Variants in ZNF804A observed in about 807,000 individuals in gnomAD.
The protein encoded by ZNF804A is zinc finger protein 804A.
Under a neutral mutation model 16.5 loss-of-function variants are expected in ZNF804A, and 2 were observed. That is an observed-to-expected ratio of 0.12 (90% confidence interval 0.05 to 0.38). The LOEUF (loss-of-function observed/expected upper bound fraction) is 0.38. Among genes scored for constraint, ZNF804A ranks in the 10% least tolerant of loss-of-function variants. The pLI is 0.99. For synonymous variants in ZNF804A, 534 were observed against 489.6 expected (o/e 1.09, Z -1.20); for missense variants, 1,473 against 1,390.7 (o/e 1.06, Z -0.94).
intron 1 of ZNF804A, among the ~76,000 whole-genome samples, chr2:184,698,254 C>G (rs1559129192): frequency 6.6e-6 from 1 of 151,982 alleles, no homozygotes; most frequent in Non-Finnish European, 1.5e-5. Context: ...AAGGGTTCAA[C>G]CATTATAAAA....
chr2:184,756,601 G>T (rs572055088), intron 1 of ZNF804A, among the ~76,000 whole-genome samples: 1 of 152,034 alleles, frequency 6.6e-6, no homozygotes, highest in Non-Finnish European at 1.5e-5. Context: ...TCATAAAGGA[G>T]TGCCTAATGT....
chr2:184,835,687 A>G (rs770642767), intron 1 of ZNF804A, among the ~76,000 whole-genome samples: 2 of 151,568 alleles, frequency 1.3e-5, no homozygotes, highest in African/African-American at 2.4e-5. Context: ...CAGAAAAAAG[A>G]TGAAAAAGAG....
chr2:184,598,973 A>G lies in ZNF804A; in HGVS notation c.14A>G (p.Tyr5Cys), dbSNP rs149912547. ...GGCGGCTGCCCCATGGAGTGTTACT[A>G]CATTGTCATCAGCTCCACGCATCTC... MECY[Y>C]IVISSTHLSN... The change falls in exon 1 of 4, where the codon TAC (tyrosine) becomes TGC (cysteine). Residue 5 changes from tyrosine to cysteine, a missense_variant. Coordinates refer to ENST00000302277, the MANE Select transcript of ZNF804A (RefSeq NM_194250.2). The G allele has an allele frequency of 2.3e-4, 369 of 1,611,608 alleles. 1 individual carries two copies. Among genetic ancestry groups the G allele is most frequent in the Non-Finnish European group, 4.2e-5 (49 of 1,177,976 alleles).
At chr2:184,761,150 A>G (rs1386789224) in intron 1 of ZNF804A, among the ~76,000 whole-genome samples, 1 of 152,182 alleles carries the variant, frequency 6.6e-6, no homozygotes, top group African/African-American at 2.4e-5. Flanking sequence ...TACTTGAGGT[A>G]TGTTTGAAAG....
intron 1 of ZNF804A, among the ~76,000 whole-genome samples, chr2:184,746,569 G>T (rs1693793290): frequency 6.6e-6 from 1 of 150,958 alleles, no homozygotes; most frequent in Non-Finnish European, 1.5e-5. Flanking sequence ...ATACTCTTTT[G>T]GTTATTTTAA....
intron 2 of ZNF804A, among the ~76,000 whole-genome samples, chr2:184,893,938 A>G (rs530447817): frequency 6.6e-6 from 1 of 152,300 alleles, no homozygotes; most frequent in South Asian, 2.1e-4. Flanking sequence ...TTTAAATATA[A>G]GGAAGTAGTA....
chr2:184,626,333 A>G (rs1274404811), intron 1 of ZNF804A, among the ~76,000 whole-genome samples: 3 of 152,026 alleles, frequency 2.0e-5, no homozygotes. Context: ...ACATTTCTAC[A>G]TTTTTCTGCT....
At position 184,886,841 on chromosome 2, in the gene ZNF804A, T is replaced by C. The variant is rs546160218; in HGVS notation, c.255+20329T>C. Among the ~76,000 whole-genome samples, 15 of 152,292 alleles carry C rather than the reference T, an allele frequency of 9.8e-5. No homozygotes were observed. The East Asian group carries it at 1.9e-3, about 20-fold the overall frequency. On this transcript the variant is annotated intron_variant, in intron 2 of 3. Transcript: ENST00000302277. ...GGGCCTGGCCCACAAAACCACTTTTTCCTCCTAGGCCTCCAGGCCTGTGAT... is the reference window on the plus strand; with the variant it reads ...GGGCCTGGCCCACAAAACCACTTTTCCCTCCTAGGCCTCCAGGCCTGTGAT...
chr2:184,860,335 A>G (rs13396624), intron 1 of ZNF804A, among the ~76,000 whole-genome samples: 23,263 of 152,236 alleles, frequency 0.15, 1,980 homozygotes, highest in Middle Eastern at 0.23. Context: ...GCCTGTGTCC[A>G]TGGTTACCTG....
At chr2:184,908,281 C>A (rs1051276171) in intron 2 of ZNF804A, among the ~76,000 whole-genome samples, 3 of 152,054 alleles carry the variant, frequency 2.0e-5, no homozygotes, top group Non-Finnish European at 4.4e-5. Context: ...AAGCCAGAAG[C>A]AGCCTACCAT....
intron 1 of ZNF804A, among the ~76,000 whole-genome samples, chr2:184,737,143 A>T (rs1274128716): frequency 6.7e-6 from 1 of 149,594 alleles, no homozygotes. Flanking sequence ...TGCAAGCTCC[A>T]CCTCCTGGGT....
intron 1 of ZNF804A, among the ~76,000 whole-genome samples, chr2:184,609,923 T>A (rs1691209703): frequency 6.6e-6 from 1 of 152,208 alleles, no homozygotes. Context: ...GGTTTGAATA[T>A]GTCCCCCAGA....
At chr2:184,843,166 C>G (rs1014596626) in intron 1 of ZNF804A, among the ~76,000 whole-genome samples, 1 of 152,192 alleles carries the variant, frequency 6.6e-6, no homozygotes, top group African/African-American at 2.4e-5. Flanking sequence ...CAAGAGATCA[C>G]TCCATCCTTG....
At chr2:184,801,249 G>C (rs555331712) in intron 1 of ZNF804A, among the ~76,000 whole-genome samples, 1 of 152,124 alleles carries the variant, frequency 6.6e-6, no homozygotes, top group East Asian at 1.9e-4. Flanking sequence ...TCTTCAGCTT[G>C]AATATAATAA....
intron 1 of ZNF804A, among the ~76,000 whole-genome samples, chr2:184,756,288 C>T (rs994498766): frequency 6.6e-6 from 1 of 151,712 alleles, no homozygotes; most frequent in Non-Finnish European, 1.5e-5. Flanking sequence ...TGCTATGTTG[C>T]CCAGGCTGGT....
intron 1 of ZNF804A, among the ~76,000 whole-genome samples, chr2:184,653,070 T>C (rs965052040): frequency 2.1e-4 from 32 of 152,288 alleles, no homozygotes; most frequent in African/African-American, 6.7e-4. Context: ...TTACCTAGTC[T>C]TGGGTGTTTC....
In ZNF804A at chr2:184,937,108, A is replaced by AC; in HGVS notation, c.1713dup (p.Thr572HisfsTer4). Reference sequence around the variant, plus strand: ...TTTACTAAAAGTCAAATAAAACAGGACACTCTAGATGAAAAATACAACAAA... The same window carrying AC: ...TTTACTAAAAGTCAAATAAAACAGGACCACTCTAGATGAAAAATACAACAAA... On this transcript the variant is annotated frameshift_variant, in exon 4 of 4. Coordinates refer to ENST00000302277, the MANE Select transcript of ZNF804A (RefSeq NM_194250.2). LOFTEE classifies it low-confidence loss of function (END_TRUNC). The AC allele has an allele frequency of 6.2e-7, 1 of 1,605,930 alleles. No individual in the cohort carries two copies. Among genetic ancestry groups the AC allele is most frequent in the Non-Finnish European group, 8.5e-7 (1 of 1,177,918 alleles).
chr2:184,748,497 G>T (rs187189080), intron 1 of ZNF804A, among the ~76,000 whole-genome samples: 1 of 151,102 alleles, frequency 6.6e-6, no homozygotes, highest in Non-Finnish European at 1.5e-5. Context: ...TTGTTTATTT[G>T]TTTAAGTTCC....
intron 1 of ZNF804A, among the ~76,000 whole-genome samples, chr2:184,710,636 A>G (rs1177565853): frequency 1.1e-4 from 16 of 151,728 alleles, no homozygotes. Flanking sequence ...GTAAAACTGA[A>G]ACTTTATACC....
Sources: gnomAD v4.1 joint callset for allele counts (sites outside exome capture counted in the v4.1 genomes callset) on GRCh38, gnomAD v4.1.1 for gene constraint, MANE v1.5 for transcripts, NCBI Gene and HGNC (gene_info 2026-07-23, HGNC 2026-07-21) for gene names.